TMEM38B: variants seen among roughly 807,000 people sequenced by gnomAD.
TMEM38B encodes the protein transmembrane protein 38B, also known as trimeric intracellular cation channel type B.
In TMEM38B, 24 loss-of-function variants were observed where a neutral mutation model predicts 28.7. The ratio of observed to expected loss-of-function variants is 0.84; its 90% CI spans 0.61 to 1.18. The LOEUF is 1.18. TMEM38B is among the 50% of genes most tolerant of loss of function. The pLI, the probability that TMEM38B is intolerant of heterozygous loss-of-function variation, is 0.00. For synonymous variants in TMEM38B, 131 were observed against 127.7 expected (o/e 1.03, Z -0.17); for missense variants, 380 against 350.9 (o/e 1.08, Z -0.66).
At chr9:105,737,324 G>C (rs1427302491) in intron 4 of TMEM38B, among the ~76,000 whole-genome samples, 1 of 148,374 alleles carries the variant, frequency 6.7e-6, no homozygotes, top group African/African-American at 2.6e-5. Context: ...GGGTGCTCCA[G>C]AGGCCTGAGT....
At chr9:105,716,745 T>C (rs1171016339) in intron 2 of TMEM38B, among the ~76,000 whole-genome samples, 1 of 152,214 alleles carries the variant, frequency 6.6e-6, no homozygotes, top group Non-Finnish European at 1.5e-5. Flanking sequence ...GAATGGAGAC[T>C]TTCATGATGA....
intron 5 of TMEM38B, among the ~76,000 whole-genome samples, chr9:105,752,297 G>A (rs116026871): frequency 1.5e-4 from 23 of 152,248 alleles, no homozygotes; most frequent in African/African-American, 5.5e-4. Context: ...GTCTCCCCCA[G>A]TGCAGCACAC....
At chr9:105,758,407 T>C (rs1837911599) in intron 5 of TMEM38B, 8 of 1,349,568 alleles carry the variant, frequency 5.9e-6, no homozygotes, top group Non-Finnish European at 7.4e-6. Flanking sequence ...CGAGCAGGAA[T>C]GCCTCTAAGA....
intron 5 of TMEM38B, among the ~76,000 whole-genome samples, chr9:105,750,852 T>A (rs1480062608): frequency 6.6e-6 from 1 of 152,214 alleles, no homozygotes; most frequent in African/African-American, 2.4e-5. Flanking sequence ...AGTTTTCTCA[T>A]GTGGATATAT....
In TMEM38B at chr9:105,703,128, C is replaced by T. The variant is rs1204822171; in HGVS notation, c.113-2469C>T. ...TCTATTGATAGCGTATTTCAAACAT[C>T]TTAAGGTAGGACAGAGAAATTTCTT... On this transcript the variant is annotated intron_variant, in intron 1 of 5. Transcript: ENST00000374692. Among the ~76,000 whole-genome samples, 3 of 152,208 alleles carry T rather than the reference C, an allele frequency of 2.0e-5. No homozygotes were observed. The East Asian group carries it at 5.8e-4, about 29-fold the overall frequency.
chr9:105,769,517 T>C (rs994692830), intron 5 of TMEM38B, among the ~76,000 whole-genome samples: 24 of 152,128 alleles, frequency 1.6e-4, no homozygotes, highest in African/African-American at 5.3e-4. Flanking sequence ...GGTTTCACTA[T>C]GTTGCCCAGG....
chr9:105,722,635 A>G lies in TMEM38B; in HGVS notation c.542+14A>G. The G allele has an allele frequency of 1.9e-6, 3 of 1,598,662 alleles. No homozygotes were observed. Among genetic ancestry groups the G allele is most frequent in the Non-Finnish European group, 2.6e-6 (3 of 1,166,260 alleles). ...GAAGATGTCATAGTAAGTTGGTATA[A>G]ATTATACTGAGACCTAGATGTTTAT... On this transcript the variant is annotated intron_variant, in intron 4 of 5. Coordinates refer to ENST00000374692, the MANE Select transcript of TMEM38B (RefSeq NM_018112.3).
intron 5 of TMEM38B, among the ~76,000 whole-genome samples, chr9:105,751,125 T>C (rs1472627581): frequency 1.3e-5 from 2 of 152,210 alleles, no homozygotes; most frequent in South Asian, 4.1e-4. Flanking sequence ...TCCATGGCAC[T>C]CATGGAGAGA....
At chr9:105,725,836 G>T (rs1287249224) in intron 4 of TMEM38B, among the ~76,000 whole-genome samples, 1 of 152,132 alleles carries the variant, frequency 6.6e-6, no homozygotes, top group Admixed American at 6.6e-5. Context: ...GGTAAGTGAA[G>T]ACCTAGGACA....
At chr9:105,726,380 T>A (rs930552333) in intron 4 of TMEM38B, among the ~76,000 whole-genome samples, 1 of 152,162 alleles carries the variant, frequency 6.6e-6, no homozygotes, top group Non-Finnish European at 1.5e-5. Context: ...GTTTTTCTGT[T>A]TTTAAGATTT....
At chr9:105,765,339 T>A (rs1400364993) in intron 5 of TMEM38B, among the ~76,000 whole-genome samples, 4 of 152,340 alleles carry the variant, frequency 2.6e-5, no homozygotes, top group Admixed American at 6.5e-5. Context: ...GAAGTATAAT[T>A]TATGCATATT....
At chr9:105,750,057 A>C (rs191623663) in intron 5 of TMEM38B, among the ~76,000 whole-genome samples, 17 of 152,302 alleles carry the variant, frequency 1.1e-4, no homozygotes, top group Non-Finnish European at 2.1e-4. Flanking sequence ...TAGCCACCCT[A>C]GTGGGTGTGA....
At chr9:105,745,770 A>G (rs1588447571) in intron 4 of TMEM38B, among the ~76,000 whole-genome samples, 1 of 150,074 alleles carries the variant, frequency 6.7e-6, no homozygotes, top group Admixed American at 6.7e-5. Flanking sequence ...TTGTATAATT[A>G]CAAAAATTAA....
intron 5 of TMEM38B, chr9:105,760,162 A>G: frequency 1.1e-6 from 1 of 896,296 alleles, no homozygotes; most frequent in Admixed American, 1.7e-5. Flanking sequence ...AAATTGTAGA[A>G]AGCTTCAACT....
chr9:105,772,250 G>A lies in TMEM38B; in HGVS notation c.661-1615G>A, dbSNP rs560436347. ...CCTTCTTATGTATGCAGAGTTTAGG[G>A]ATTGGTAAATTCCCCCAGGGCAAAT... On this transcript the variant is annotated intron_variant, in intron 5 of 5. Transcript: ENST00000374692. Among the ~76,000 whole-genome samples, 6 of 152,132 alleles carry A rather than the reference G, an allele frequency of 3.9e-5. No individual in the cohort carries two copies. The South Asian group carries it at 6.2e-4, about 16-fold the overall frequency.
intron 2 of TMEM38B, among the ~76,000 whole-genome samples, chr9:105,720,412 A>G (rs988090773): frequency 1.3e-5 from 2 of 152,128 alleles, no homozygotes; most frequent in Non-Finnish European, 2.9e-5. Context: ...TTAGTTTTAC[A>G]GAGCCATCAG....
chr9:105,746,487 T>C (rs1390113467), intron 4 of TMEM38B, among the ~76,000 whole-genome samples: 1 of 152,366 alleles, frequency 6.6e-6, no homozygotes, highest in South Asian at 2.1e-4. Context: ...GCTGAGACGA[T>C]GGCGTTTTCT....
chr9:105,728,894 T>G (rs28770316), intron 4 of TMEM38B, among the ~76,000 whole-genome samples: 1 of 151,966 alleles, frequency 6.6e-6, no homozygotes, highest in Non-Finnish European at 1.5e-5. Context: ...GAAGGGTCTG[T>G]TCATATCCTT....
intron 5 of TMEM38B, among the ~76,000 whole-genome samples, chr9:105,762,926 C>T (rs1838117455): frequency 7.1e-6 from 1 of 141,330 alleles, no homozygotes; most frequent in African/African-American, 2.9e-5. Flanking sequence ...CCTGTTGTTT[C>T]CTGACTTTTT....
Sources: allele counts gnomAD v4.1 joint callset (sites outside exome capture counted in the v4.1 genomes callset), GRCh38; gene constraint gnomAD v4.1.1; transcripts MANE v1.5; gene names NCBI Gene and HGNC (gene_info 2026-07-23, HGNC 2026-07-21).